DSCAML1: variants seen among roughly 807,000 people sequenced by gnomAD.
DSCAML1 encodes cell adhesion molecule DSCAML1.
A neutral mutation model predicts 200.5 loss-of-function variants in DSCAML1; 38 were observed. That is an observed-to-expected ratio of 0.19 (90% confidence interval 0.15 to 0.25). The LOEUF (loss-of-function observed/expected upper bound fraction) is 0.25, where lower values mean the gene tolerates loss of function less well. Among genes scored for constraint, DSCAML1 ranks in the 10% least tolerant of loss-of-function variants. The pLI is 1.00. For synonymous variants in DSCAML1, 1,215 were observed against 1,165.0 expected (o/e 1.04, Z -0.87); for missense variants, 2,223 against 2,858.8 (o/e 0.78, Z 5.07).
At position 117,503,232 on chromosome 11, in the gene DSCAML1, T is replaced by C. The variant is rs4938394; in HGVS notation, c.2359+613A>G. 0.43 allele frequency among the ~76,000 whole-genome samples: 64,919 copies of C among 151,946 alleles called. 13,994 individuals carry two copies. The highest frequency in any genetic ancestry group is 0.56 in the South Asian group (2,670 of 4,808). On this transcript the variant is annotated intron_variant, in intron 11 of 32. Transcript: ENST00000651296. The surrounding 1 kb of genome is among the most constrained non-coding windows in gnomAD (Gnocchi z 5.2). The stretch of plus-strand genomic sequence containing the variant: ...AATGAGCTGCATTGGTCCTTGGGCT[T>C]TTCTGAAGCATCCTCCTCTTTCCAA...
Position 117,439,248 on chromosome 11 carries a change from T to G in DSCAML1, c.4144+18A>C. ...ATCCCTGTCCCCACCTGGGGTCACCTGCCTCACAGAGCCTCACCTTGCACC... is the reference window on the plus strand; with the variant it reads ...ATCCCTGTCCCCACCTGGGGTCACCGGCCTCACAGAGCCTCACCTTGCACC... On this transcript the variant is annotated intron_variant, in intron 23 of 32. Transcript: ENST00000651296. 6.2e-7 allele frequency: 1 copy of G among 1,613,274 alleles called. No homozygotes were observed. Among genetic ancestry groups the G allele is most frequent in the Non-Finnish European group, 8.5e-7 (1 of 1,179,510 alleles).
chr11:117,670,885 C>T (rs965477395), intron 3 of DSCAML1, among the ~76,000 whole-genome samples: 3 of 152,084 alleles, frequency 2.0e-5, no homozygotes, highest in African/African-American at 4.8e-5. Flanking sequence ...TTCCTGGGCA[C>T]GCAATAACTT....
chr11:117,796,089 C>A (rs1013338723), intron 1 of DSCAML1, among the ~76,000 whole-genome samples: 4 of 152,256 alleles, frequency 2.6e-5, no homozygotes, highest in Non-Finnish European at 5.9e-5. Flanking sequence ...AGACTACCTG[C>A]GCCTGCCTGG....
intron 3 of DSCAML1, among the ~76,000 whole-genome samples, chr11:117,579,626 G>T (rs1263145907): frequency 6.6e-6 from 1 of 152,216 alleles, no homozygotes; most frequent in East Asian, 1.9e-4. Context: ...ACAGTATGTG[G>T]CACTGTTTGA....
At chr11:117,438,230 A>G in intron 24 of DSCAML1, 147 bp from the exon 25 acceptor site, 1 of 714,776 alleles carries the variant, frequency 1.4e-6, no homozygotes, top group Non-Finnish European at 2.2e-6. Flanking sequence ...GCTCCTTAGA[A>G]GCAAAATTGG....
At chr11:117,616,535 G>T (rs1296181477) in intron 3 of DSCAML1, among the ~76,000 whole-genome samples, 4 of 152,192 alleles carry the variant, frequency 2.6e-5, no homozygotes, top group Admixed American at 6.5e-5. Flanking sequence ...AGTTTTGAAT[G>T]AATGAATCTC....
intron 6 of DSCAML1, among the ~76,000 whole-genome samples, chr11:117,520,862 T>A (rs2049873232): frequency 6.6e-6 from 1 of 152,062 alleles, no homozygotes; most frequent in South Asian, 2.1e-4. Context: ...CCAGGGAGGT[T>A]GAGGCTGCAG....
intron 19 of DSCAML1, among the ~76,000 whole-genome samples, chr11:117,453,676 ATC>A (rs1378412543): frequency 6.7e-6 from 1 of 149,360 alleles, no homozygotes; most frequent in South Asian, 2.1e-4. Flanking sequence ...TGCTTTTAAG[ATC>A]TCTCTCTCTT....
At chr11:117,755,362 G>C (rs1391431511) in intron 3 of DSCAML1, among the ~76,000 whole-genome samples, 1 of 152,174 alleles carries the variant, frequency 6.6e-6, no homozygotes, top group African/African-American at 2.4e-5. Flanking sequence ...AGCTAATCCA[G>C]GCTCCTGGTT....
intron 3 of DSCAML1, among the ~76,000 whole-genome samples, chr11:117,608,871 T>TATCCATTTTAAA (rs60853404): frequency 1.3e-5 from 2 of 152,104 alleles, no homozygotes; most frequent in South Asian, 2.1e-4. Context: ...CATTGAGCAT[T>TATCCATTTTAAA]ATATCTGCCA....
chr11:117,689,439 A>T (rs2053459194), intron 3 of DSCAML1, among the ~76,000 whole-genome samples: 1 of 152,224 alleles, frequency 6.6e-6, no homozygotes, highest in African/African-American at 2.4e-5. Context: ...CTGAAATGTG[A>T]AAGGATAGTA....
At chr11:117,460,753 AC>A (rs1375010237) in intron 18 of DSCAML1, among the ~76,000 whole-genome samples, 2 of 151,584 alleles carry the variant, frequency 1.3e-5, no homozygotes, top group African/African-American at 2.4e-5. Context: ...CCATTTCTCT[AC>A]CCCCCTGCTC....
chr11:117,664,022 A>G (rs1013933626), intron 3 of DSCAML1, among the ~76,000 whole-genome samples: 1 of 152,224 alleles, frequency 6.6e-6, no homozygotes, highest in African/African-American at 2.4e-5. Context: ...GAGACACAAC[A>G]GTGCACCCCA....
At chr11:117,626,160 C>T (rs536087513) in intron 3 of DSCAML1, among the ~76,000 whole-genome samples, 2 of 151,888 alleles carry the variant, frequency 1.3e-5, no homozygotes, top group South Asian at 4.2e-4. Flanking sequence ...ATTAAAAATG[C>T]CTAGTGGGCG....
intron 3 of DSCAML1, among the ~76,000 whole-genome samples, chr11:117,610,303 C>CT (rs1565824568): frequency 6.6e-6 from 1 of 152,186 alleles, no homozygotes; most frequent in Non-Finnish European, 1.5e-5. Flanking sequence ...ATTTTCTGGT[C>CT]ACACATTCTT....
chr11:117,658,818 C>T (rs2052784078), intron 3 of DSCAML1, among the ~76,000 whole-genome samples: 2 of 152,322 alleles, frequency 1.3e-5, no homozygotes, highest in South Asian at 4.1e-4. Context: ...CCACACCTTT[C>T]CCCAGCATCC....
At chr11:117,442,223 AGT>A (rs72384866) in intron 21 of DSCAML1, among the ~76,000 whole-genome samples, 44,549 of 148,708 alleles carry the variant, frequency 0.3, 6,965 homozygotes, top group East Asian at 0.63. Context: ...TAGTGTGTCT[AGT>A]GTGTGTGTGC....
intron 30 of DSCAML1, 117 bp downstream of exon 30, chr11:117,432,235 G>T: frequency 4.1e-6 from 5 of 1,208,150 alleles, no homozygotes; most frequent in Admixed American, 3.0e-5. Context: ...TTCCATTTTT[G>T]CATTCTATTC....
intron 3 of DSCAML1, chr11:117,611,255 C>G (rs901854501): frequency 6.6e-6 from 1 of 152,272 alleles, no homozygotes; most frequent in African/African-American, 2.4e-5. Context: ...CCTGCAGATC[C>G]CAGCCCATGC....
Sources: allele counts gnomAD v4.1 joint callset (sites outside exome capture counted in the v4.1 genomes callset), GRCh38; gene constraint gnomAD v4.1.1; non-coding constraint Gnocchi (gnomAD v3.1); transcripts MANE v1.5; gene names NCBI Gene and HGNC (gene_info 2026-07-23, HGNC 2026-07-21).